Variants in SLC24A2 observed in about 807,000 individuals in gnomAD.
SLC24A2 encodes sodium/potassium/calcium exchanger 2.
In SLC24A2, 36 loss-of-function variants were observed where a neutral mutation model predicts 62.0. That is an observed-to-expected ratio of 0.58 (90% CI 0.44 to 0.77). The LOEUF (loss-of-function observed/expected upper bound fraction) is 0.77, where lower values mean the gene tolerates loss of function less well. Ranked by LOEUF, SLC24A2 falls within the 30% of genes least tolerant of loss-of-function variation. The pLI is 0.00. For missense variants in SLC24A2, 846 were observed against 817.9 expected, an observed-to-expected ratio of 1.03 and a Z score of -0.42; for synonymous variants, 358 against 294.0, an observed-to-expected ratio of 1.22 and a Z score of -2.23.
At chr9:19,602,725 T>C (rs1307609801) in intron 4 of SLC24A2, among the ~76,000 whole-genome samples, 5 of 152,234 alleles carry the variant, frequency 3.3e-5, no homozygotes, top group African/African-American at 1.2e-4. Flanking sequence ...CATCAGTTTC[T>C]ACCTGTGTGG....
At chr9:19,874,075 CTTTTTTTTTT>C in the SLC24A2 span, among the ~76,000 whole-genome samples, 18 of 107,304 alleles carry the variant, frequency 1.7e-4, no homozygotes, top group Non-Finnish European at 2.5e-4. Flanking sequence ...CTTTTCTTTT[CTTTTTTTTTT>C]TTTTTTTTTT....
chr9:19,917,704 A>C, the SLC24A2 span, among the ~76,000 whole-genome samples: 1,495 of 152,184 alleles, frequency 9.8e-3, 33 homozygotes, highest in African/African-American at 0.034. Context: ...CAAACGTTTC[A>C]ATTTGTATTT....
At chr9:20,107,298 C>T in the SLC24A2 span, among the ~76,000 whole-genome samples, 1 of 151,736 alleles carries the variant, frequency 6.6e-6, no homozygotes, top group South Asian at 2.1e-4. Context: ...CAATGCCATC[C>T]CCATCAAGCT....
chr9:19,602,204 A>T (rs576355126), intron 4 of SLC24A2, among the ~76,000 whole-genome samples: 13 of 152,318 alleles, frequency 8.5e-5, no homozygotes, highest in African/African-American at 2.9e-4. Flanking sequence ...TCATTCTAGT[A>T]CGTCCCTCAA....
chr9:20,210,818 T>G, the SLC24A2 span, among the ~76,000 whole-genome samples: 1 of 150,448 alleles, frequency 6.6e-6, no homozygotes. Flanking sequence ...AAGGTTCTTG[T>G]GCACGTGAAC....
At chr9:19,648,307 C>G (rs1006126669) in intron 2 of SLC24A2, among the ~76,000 whole-genome samples, 2 of 152,120 alleles carry the variant, frequency 1.3e-5, no homozygotes, top group African/African-American at 4.8e-5. Context: ...AAGAATAATA[C>G]AGTTCAAAAA....
At chr9:19,827,392 G>T in the SLC24A2 span, among the ~76,000 whole-genome samples, 1 of 152,070 alleles carries the variant, frequency 6.6e-6, no homozygotes, top group Non-Finnish European at 1.5e-5. Flanking sequence ...TCCTGAGAAT[G>T]GCAAATTAGG....
chr9:19,583,383 G>A (rs1228246355), intron 5 of SLC24A2, among the ~76,000 whole-genome samples: 1 of 152,070 alleles, frequency 6.6e-6, no homozygotes, highest in Non-Finnish European at 1.5e-5. Context: ...TCTTATCCCA[G>A]GTTTATTTTC....
At chr9:20,297,260 T>A in the SLC24A2 span, among the ~76,000 whole-genome samples, 1 of 152,118 alleles carries the variant, frequency 6.6e-6, no homozygotes, top group East Asian at 1.9e-4. Flanking sequence ...AGGTTACAGA[T>A]TGAGCCTCAA....
the SLC24A2 span, among the ~76,000 whole-genome samples, chr9:20,030,392 C>T: frequency 1.1e-4 from 17 of 152,242 alleles, no homozygotes; most frequent in South Asian, 6.2e-4. Flanking sequence ...AGAGCTGCTA[C>T]GGTAACCGAG....
the SLC24A2 span, among the ~76,000 whole-genome samples, chr9:19,857,816 T>C: frequency 6.6e-6 from 1 of 151,958 alleles, no homozygotes; most frequent in African/African-American, 2.4e-5. Context: ...ACTCATATCA[T>C]CTGTGGATAA....
At chr9:19,853,969 G>A in the SLC24A2 span, among the ~76,000 whole-genome samples, 1 of 152,096 alleles carries the variant, frequency 6.6e-6, no homozygotes, top group Non-Finnish European at 1.5e-5. Flanking sequence ...ATGTATTACT[G>A]CCTCAATTTC....
chr9:19,924,464 G>C, the SLC24A2 span, among the ~76,000 whole-genome samples: 1 of 152,080 alleles, frequency 6.6e-6, no homozygotes, highest in African/African-American at 2.4e-5. Context: ...GTGGCTTCTA[G>C]AATGTCATCT....
rs957774532 is a variant in SLC24A2, at chr9:19,632,857, T to A, written c.931-10558A>T. Among the ~76,000 whole-genome samples, 5 of 152,186 alleles carry A rather than the reference T, an allele frequency of 3.3e-5. No individual in the cohort carries two copies. The highest frequency in any genetic ancestry group is 1.2e-4 in the African/African-American group (5 of 41,438). ...GTGTTTGTGCATAGTGTGTATGTAGTTCTATGCAGTTTAATTATATGTGTA... is the reference window on the plus strand; with the variant it reads ...GTGTTTGTGCATAGTGTGTATGTAGATCTATGCAGTTTAATTATATGTGTA... On this transcript the variant is annotated intron_variant, in intron 2 of 10. Transcript: ENST00000341998. The surrounding 1 kb of genome is among the most constrained non-coding windows in gnomAD (Gnocchi z 4.5).
the SLC24A2 span, among the ~76,000 whole-genome samples, chr9:19,815,624 G>T: frequency 6.6e-6 from 1 of 152,052 alleles, no homozygotes; most frequent in Non-Finnish European, 1.5e-5. Flanking sequence ...AATGCGTTAT[G>T]CACAAATCCA....
chr9:20,235,682 G>A, the SLC24A2 span, among the ~76,000 whole-genome samples: 1 of 152,154 alleles, frequency 6.6e-6, no homozygotes, highest in Non-Finnish European at 1.5e-5. Flanking sequence ...TGCTTCCCGG[G>A]TGAGGCAATG....
the SLC24A2 span, among the ~76,000 whole-genome samples, chr9:19,823,504 C>T: frequency 2.0e-5 from 3 of 152,004 alleles, no homozygotes; most frequent in Non-Finnish European, 4.4e-5. Flanking sequence ...TGGTGCATGC[C>T]TGTAATCCCA....
chr9:19,532,555 G>C (rs901473968), intron 8 of SLC24A2, among the ~76,000 whole-genome samples: 5 of 152,140 alleles, frequency 3.3e-5, no homozygotes, highest in African/African-American at 4.8e-5. Flanking sequence ...TGAATGCAGA[G>C]CCTGCAGATA....
chr9:20,017,419 ATTAAGT>A, the SLC24A2 span, among the ~76,000 whole-genome samples: 1 of 152,200 alleles, frequency 6.6e-6, no homozygotes, highest in Non-Finnish European at 1.5e-5. Context: ...ATCATATATT[ATTAAGT>A]TTAACAAAAC....
Sources: gnomAD v4.1 joint callset for allele counts (sites outside exome capture counted in the v4.1 genomes callset) on GRCh38, gnomAD v4.1.1 for gene constraint, Gnocchi (gnomAD v3.1) non-coding constraint, MANE v1.5 for transcripts, NCBI Gene and HGNC (gene_info 2026-07-23, HGNC 2026-07-21) for gene names.